PPP2R5A: variants seen among roughly 807,000 people sequenced by gnomAD.
PPP2R5A encodes serine/threonine-protein phosphatase 2A 56 kDa regulatory subunit alpha isoform.
PPP2R5A carries 25 observed loss-of-function variants against 64.2 expected under a neutral mutation model. The ratio of observed to expected loss-of-function variants is 0.39; its 90% CI spans 0.28 to 0.54. PPP2R5A has a LOEUF of 0.54. Among genes scored for constraint, PPP2R5A ranks in the 20% least tolerant of loss-of-function variants. The pLI is 0.67. For synonymous variants in PPP2R5A, 198 were observed against 201.2 expected (o/e 0.98, Z 0.13); for missense variants, 425 against 576.3 (o/e 0.74, Z 2.69).
chr1:212,335,306 T>C (rs1036105880), intron 3 of PPP2R5A, among the ~76,000 whole-genome samples: 1 of 151,742 alleles, frequency 6.6e-6, no homozygotes, highest in African/African-American at 2.4e-5. Context: ...AGAAACCCCA[T>C]CTCTACTAAA....
rs187876876 is a variant in PPP2R5A at position 212,319,525 on chromosome 1, A to T, written c.182-9610A>T. On this transcript the variant is annotated intron_variant, in intron 1 of 12. Transcript: ENST00000261461. ...GACTTCATTTGCAAGAATTCTTAAA[A>T]CGGAGAAGCTGAAGAATAAAGTGGC... The T allele has an allele frequency of 2.0e-5, 3 of 152,274 alleles. No homozygotes were observed. The East Asian group carries it at 5.8e-4, about 29-fold the overall frequency. 9.4% of individuals were successfully genotyped at this position (152,274 alleles called of 1,614,324 possible).
At chr1:212,289,875 C>T (rs1157760355) in intron 1 of PPP2R5A, among the ~76,000 whole-genome samples, 1 of 152,110 alleles carries the variant, frequency 6.6e-6, no homozygotes, top group African/African-American at 2.4e-5. Context: ...ATCTGAAGTG[C>T]AGCTGCAACA....
chr1:212,332,504 A>G (rs1189011441), intron 2 of PPP2R5A, among the ~76,000 whole-genome samples: 1 of 152,246 alleles, frequency 6.6e-6, no homozygotes, highest in Non-Finnish European at 1.5e-5. Flanking sequence ...AATGCAAAGC[A>G]TGAAATTATA....
intron 11 of PPP2R5A, 69 bp downstream of exon 11, chr1:212,357,353 C>G: frequency 1.9e-5 from 25 of 1,322,476 alleles, no homozygotes; most frequent in Non-Finnish European, 2.5e-5. Flanking sequence ...TATTGATTTC[C>G]TAACTCATAC....
rs148095538 is a variant in PPP2R5A at position 212,293,009 on chromosome 1, C to G, written c.181+6718C>G. On this transcript the variant is annotated intron_variant, in intron 1 of 12. Transcript: ENST00000261461. ...GCCCCTTCCTCGTCCTTCTTTTCTG[C>G]TTATCACTAGAGACAGAAACTAAAA... Among the ~76,000 whole-genome samples, 219 of 152,250 alleles carry G rather than the reference C, an allele frequency of 1.4e-3. 2 individuals carry two copies. The highest frequency in any genetic ancestry group is 5.1e-3 in the African/African-American group (212 of 41,550).
Position 212,360,795 on chromosome 1 carries a change from G to A in PPP2R5A, c.*25G>A. The A allele has an allele frequency of 2.0e-6, 3 of 1,496,650 alleles. No individual in the cohort carries two copies. Among genetic ancestry groups the A allele is most frequent in the Non-Finnish European group, 2.7e-6 (3 of 1,124,500 alleles). The allele number at this position is 1,496,650 out of a possible 1,614,324, so 92.7% of individuals were successfully genotyped here. On this transcript the variant is annotated 3_prime_UTR_variant, in exon 13 of 13. Transcript: ENST00000261461. ...AAAAAAAAGCCTCCCACCTCTGCCGGATAGGCAGAGTTTTGTATGCTTTTT... is the reference window on the plus strand; with the variant it reads ...AAAAAAAAGCCTCCCACCTCTGCCGAATAGGCAGAGTTTTGTATGCTTTTT...
At chr1:212,353,054 T>A (rs1437867297) in intron 8 of PPP2R5A, 3 of 456,480 alleles carry the variant, frequency 6.6e-6, no homozygotes, top group Non-Finnish European at 1.3e-5. Flanking sequence ...CTTACAAAGC[T>A]GCAGTTGGAG....
chr1:212,350,147 G>A (rs720510), intron 8 of PPP2R5A, among the ~76,000 whole-genome samples: 6,460 of 152,110 alleles, frequency 0.042, 433 homozygotes, highest in African/African-American at 0.15. Context: ...CAGGCTATCC[G>A]TAGGGATGCT....
At chr1:212,320,579 C>A (rs961920188) in intron 1 of PPP2R5A, among the ~76,000 whole-genome samples, 1 of 118,908 alleles carries the variant, frequency 8.4e-6, no homozygotes, top group Non-Finnish European at 1.6e-5. Flanking sequence ...GGGGGGCTGA[C>A]CCCCCCGCCT....
intron 2 of PPP2R5A, among the ~76,000 whole-genome samples, chr1:212,330,938 C>T (rs937136132): frequency 9.2e-5 from 14 of 151,710 alleles, no homozygotes; most frequent in Middle Eastern, 3.4e-3. Context: ...GAGGCCAAGG[C>T]GGGTTGATCA....
At chr1:212,344,877 C>G (rs1276501317) in intron 4 of PPP2R5A, among the ~76,000 whole-genome samples, 1 of 152,062 alleles carries the variant, frequency 6.6e-6, no homozygotes, top group Admixed American at 6.6e-5. Context: ...GCTGAAAAAT[C>G]TATGGGCTGG....
intron 1 of PPP2R5A, among the ~76,000 whole-genome samples, chr1:212,310,072 CAG>C (rs1020004157): frequency 1.3e-5 from 2 of 152,206 alleles, no homozygotes; most frequent in African/African-American, 4.8e-5. Context: ...CTTGGGATGA[CAG>C]TGGTTTTGGC....
chr1:212,341,601 A>G (rs893173875), intron 3 of PPP2R5A, among the ~76,000 whole-genome samples: 32 of 152,192 alleles, frequency 2.1e-4, no homozygotes, highest in Admixed American at 7.9e-4. Flanking sequence ...TTAATTTTAT[A>G]GGCATTGTCC....
At chr1:212,352,184 C>T (rs552246229) in intron 8 of PPP2R5A, among the ~76,000 whole-genome samples, 15 of 151,296 alleles carry the variant, frequency 9.9e-5, no homozygotes, top group Non-Finnish European at 1.9e-4. Flanking sequence ...ATACCACGCC[C>T]GGCTAGGTTT....
intron 1 of PPP2R5A, among the ~76,000 whole-genome samples, chr1:212,290,417 A>C (rs904162813): frequency 6.6e-6 from 1 of 152,208 alleles, no homozygotes; most frequent in Non-Finnish European, 1.5e-5. Context: ...GGAGAGTTCA[A>C]ATTCATCTGA....
At chr1:212,304,561 A>G (rs1337681126) in intron 1 of PPP2R5A, among the ~76,000 whole-genome samples, 1 of 151,688 alleles carries the variant, frequency 6.6e-6, no homozygotes, top group Non-Finnish European at 1.5e-5. Context: ...AAAACAAACA[A>G]AAAAAGAGAT....
intron 4 of PPP2R5A, among the ~76,000 whole-genome samples, chr1:212,344,411 T>C (rs899809544): frequency 4.6e-5 from 7 of 152,346 alleles, no homozygotes; most frequent in Middle Eastern, 6.8e-3. Context: ...ACTATAAGTA[T>C]GGCAGTTGTT....
rs146916631 is a variant in PPP2R5A, at chr1:212,288,088, C to T, written c.181+1797C>T. 7.8e-3 allele frequency among the ~76,000 whole-genome samples: 1,193 copies of T among 152,290 alleles called. 17 individuals carry two copies. Among genetic ancestry groups the T allele is most frequent in the African/African-American group, 0.027 (1,123 of 41,542 alleles). ...CTGGAGTGCAATGGCGCGATCTCAG[C>T]TCACTGCAACCTCCGCCTCCCGGGT... On this transcript the variant is annotated intron_variant, in intron 1 of 12. Coordinates refer to ENST00000261461, the MANE Select transcript of PPP2R5A (RefSeq NM_006243.4).
At chr1:212,291,414 A>C (rs1167729113) in intron 1 of PPP2R5A, among the ~76,000 whole-genome samples, 1 of 152,202 alleles carries the variant, frequency 6.6e-6, no homozygotes, top group Non-Finnish European at 1.5e-5. Context: ...AAACAAAACA[A>C]AACAAAAAAT....
Sources: gnomAD v4.1 joint callset for allele counts (sites outside exome capture counted in the v4.1 genomes callset) on GRCh38, gnomAD v4.1.1 for gene constraint, MANE v1.5 for transcripts, NCBI Gene and HGNC (gene_info 2026-07-23, HGNC 2026-07-21) for gene names.